The following GALNTL6 variants were observed in gnomAD, a reference collection of about 807,000 sequenced individuals.
GALNTL6 encodes polypeptide N-acetylgalactosaminyltransferase like 6.
GALNTL6 carries 46 observed loss-of-function variants against 73.7 expected under a neutral mutation model. That is an observed-to-expected ratio of 0.62 (90% CI 0.49 to 0.80). The LOEUF is 0.80. Ranked by LOEUF, GALNTL6 falls within the 30% of genes least tolerant of loss-of-function variation. The pLI is 0.00. For synonymous variants in GALNTL6, 259 were observed against 263.7 expected (o/e 0.98, Z 0.17); for missense variants, 604 against 755.0 (o/e 0.80, Z 2.34).
chr4:172,395,063 T>C (rs1412018175), intron 5 of GALNTL6, among the ~76,000 whole-genome samples: 1 of 152,222 alleles, frequency 6.6e-6, no homozygotes, highest in Non-Finnish European at 1.5e-5. Flanking sequence ...ACAAAGCACC[T>C]GACAAGAAAA....
chr4:172,579,373 T>C (rs916003944), intron 5 of GALNTL6, among the ~76,000 whole-genome samples: 2 of 152,152 alleles, frequency 1.3e-5, no homozygotes, highest in Non-Finnish European at 2.9e-5. Flanking sequence ...ATAGAATACC[T>C]AAAATACTGG....
intron 5 of GALNTL6, among the ~76,000 whole-genome samples, chr4:172,521,622 T>C (rs140606923): frequency 2.0e-5 from 3 of 152,192 alleles, no homozygotes; most frequent in African/African-American, 7.2e-5. Context: ...TTCATGTCAC[T>C]TCAGGATAAT....
chr4:172,410,185 T>C (rs1277249637), intron 5 of GALNTL6, among the ~76,000 whole-genome samples: 1 of 152,050 alleles, frequency 6.6e-6, no homozygotes, highest in African/African-American at 2.4e-5. Context: ...AATGAACTTA[T>C]ACATATCATG....
At chr4:172,569,670 G>A (rs1471239167) in intron 5 of GALNTL6, among the ~76,000 whole-genome samples, 1 of 151,926 alleles carries the variant, frequency 6.6e-6, no homozygotes, top group Non-Finnish European at 1.5e-5. Flanking sequence ...AACATCAAAG[G>A]AAAAGCTAGA....
At chr4:171,920,122 G>A (rs149683975) in intron 2 of GALNTL6, among the ~76,000 whole-genome samples, 9 of 151,010 alleles carry the variant, frequency 6.0e-5, no homozygotes, top group Non-Finnish European at 1.3e-4. Context: ...GCAAACTGTC[G>A]CAAGGACAAA....
chr4:171,883,446 C>T lies in GALNTL6; in HGVS notation c.138+68728C>T, dbSNP rs138625118. On this transcript the variant is annotated intron_variant, in intron 2 of 12. Transcript: ENST00000506823. ...TCATTGATGTGCTCCCTGCTTGTCTCCCCATGCATCAGCCTGCTTCATTTA... is the reference window on the plus strand; with the variant it reads ...TCATTGATGTGCTCCCTGCTTGTCTTCCCATGCATCAGCCTGCTTCATTTA... Among the ~76,000 whole-genome samples the T allele has an allele frequency of 1.4e-3, 206 of 152,202 alleles. 1 individual carries two copies. Among genetic ancestry groups the T allele is most frequent in the African/African-American group, 4.7e-3 (196 of 41,532 alleles).
chr4:172,265,936 T>C (rs143485435), intron 3 of GALNTL6, among the ~76,000 whole-genome samples: 1 of 152,254 alleles, frequency 6.6e-6, no homozygotes, highest in African/African-American at 2.4e-5. Context: ...TTATATATTC[T>C]TGCATATTAT....
At chr4:172,543,996 G>T (rs1338645718) in intron 5 of GALNTL6, among the ~76,000 whole-genome samples, 1 of 152,112 alleles carries the variant, frequency 6.6e-6, no homozygotes, top group Admixed American at 6.5e-5. Flanking sequence ...TACCCATTAT[G>T]ATGCAAAAAT....
intron 5 of GALNTL6, among the ~76,000 whole-genome samples, chr4:172,375,312 C>T (rs1292104105): frequency 6.6e-6 from 1 of 152,130 alleles, no homozygotes; most frequent in African/African-American, 2.4e-5. Context: ...CCTTAGGTGG[C>T]CATTTTTCCC....
At chr4:171,857,567 C>A (rs1478295140) in intron 2 of GALNTL6, among the ~76,000 whole-genome samples, 1 of 151,952 alleles carries the variant, frequency 6.6e-6, no homozygotes, top group Admixed American at 6.6e-5. Flanking sequence ...CATGGTTAAT[C>A]CTTGGAGAGT....
intron 5 of GALNTL6, among the ~76,000 whole-genome samples, chr4:172,727,573 G>A (rs969109118): frequency 2.6e-5 from 4 of 152,134 alleles, no homozygotes; most frequent in African/African-American, 9.7e-5. Flanking sequence ...GCTGATGTCA[G>A]TGTTAATTGG....
intron 5 of GALNTL6, among the ~76,000 whole-genome samples, chr4:172,620,503 A>G (rs764725548): frequency 1.3e-5 from 2 of 152,168 alleles, no homozygotes; most frequent in Admixed American, 6.5e-5. Flanking sequence ...AGAAATATCA[A>G]TTGTTCTAAC....
At chr4:173,015,696 A>G (rs1485022831) in intron 11 of GALNTL6, among the ~76,000 whole-genome samples, 1 of 152,218 alleles carries the variant, frequency 6.6e-6, no homozygotes, top group Non-Finnish European at 1.5e-5. Flanking sequence ...AGGAGGAAGC[A>G]GAGCACAAAA....
intron 8 of GALNTL6, among the ~76,000 whole-genome samples, chr4:172,912,709 C>T (rs534497950): frequency 8.5e-5 from 13 of 152,226 alleles, no homozygotes; most frequent in South Asian, 6.2e-4. Flanking sequence ...GTAAACAAAG[C>T]GGTGGGGAAG....
chr4:171,917,423 TTAA>T (rs1203455898), intron 2 of GALNTL6, among the ~76,000 whole-genome samples: 1 of 152,138 alleles, frequency 6.6e-6, no homozygotes, highest in Non-Finnish European at 1.5e-5. Context: ...AACCGTCATC[TTAA>T]TAAGACTAAG....
At chr4:172,077,777 A>T (rs1731745206) in intron 2 of GALNTL6, among the ~76,000 whole-genome samples, 1 of 152,180 alleles carries the variant, frequency 6.6e-6, no homozygotes, top group Non-Finnish European at 1.5e-5. Context: ...TCAAATGTTA[A>T]TAGCCAAGAG....
intron 2 of GALNTL6, among the ~76,000 whole-genome samples, chr4:171,821,278 A>G (rs1481226451): frequency 6.6e-6 from 1 of 152,058 alleles, no homozygotes; most frequent in Non-Finnish European, 1.5e-5. Context: ...TACTGTCAAG[A>G]GATCCCCCCA....
intron 5 of GALNTL6, among the ~76,000 whole-genome samples, chr4:172,559,315 C>A (rs535203320): frequency 2.0e-4 from 31 of 151,934 alleles, no homozygotes; most frequent in African/African-American, 7.5e-4. Flanking sequence ...CCACCCACCT[C>A]GGCCTCCCAA....
chr4:172,886,615 T>G (rs1745734173), intron 8 of GALNTL6, among the ~76,000 whole-genome samples: 2 of 152,196 alleles, frequency 1.3e-5, no homozygotes, highest in Non-Finnish European at 2.9e-5. Context: ...CATACAAAAT[T>G]AGTTGGGCGT....
Sources: allele counts gnomAD v4.1 joint callset (sites outside exome capture counted in the v4.1 genomes callset), GRCh38; gene constraint gnomAD v4.1.1; transcripts MANE v1.5; gene names NCBI Gene and HGNC (gene_info 2026-07-23, HGNC 2026-07-21).